Variants in ANO5 observed in about 807,000 individuals in gnomAD.
ANO5 encodes anoctamin 5.
ANO5 carries 109 observed loss-of-function variants against 121.0 expected under a neutral mutation model. The observed-to-expected ratio is 0.90, with a 90% confidence interval of 0.77 to 1.06. ANO5 has a LOEUF of 1.06. Among genes scored for constraint, ANO5 ranks in the 50% least tolerant of loss-of-function variants. The probability of loss-of-function intolerance (pLI) is 0.00; values close to 1 mark genes in which losing one functional copy is unlikely to be tolerated. For synonymous variants in ANO5, 406 were observed against 359.9 expected (o/e 1.13, Z -1.45); for missense variants, 1,064 against 1,078.5 (o/e 0.99, Z 0.19).
At chr11:22,245,255 G>C (rs997086695) in intron 9 of ANO5, among the ~76,000 whole-genome samples, 4 of 152,196 alleles carry the variant, frequency 2.6e-5, no homozygotes, top group African/African-American at 9.7e-5. Flanking sequence ...GCAGTGCTCT[G>C]TGGTGGGGTG....
chr11:22,249,459 T>A (rs1853726385), intron 9 of ANO5, among the ~76,000 whole-genome samples: 1 of 152,122 alleles, frequency 6.6e-6, no homozygotes, highest in Non-Finnish European at 1.5e-5. Context: ...GGGATCTATA[T>A]GAATAAGGAG....
chr11:22,193,492 G>A lies in ANO5; in HGVS notation c.-1G>A, dbSNP rs138260594. 60 of 1,612,800 alleles carry A rather than the reference G, an allele frequency of 3.7e-5. 1 individual carries two copies. In the African/African-American group the frequency reaches 4.3e-4, roughly 11 times the overall value. ...CCAGTGCCATTAACGAGCTGGCGAA[G>A]ATGGGCGACCCGGATCTCCTGGAAG... On this transcript the variant is annotated 5_prime_UTR_variant, in exon 1 of 22. Coordinates refer to ENST00000324559, the MANE Select transcript of ANO5 (RefSeq NM_213599.3).
intron 21 of ANO5, 61 bp from the exon 22 acceptor site, chr11:22,279,483 C>G (rs771617524): frequency 4.3e-6 from 6 of 1,400,464 alleles, no homozygotes; most frequent in Non-Finnish European, 6.1e-6. Flanking sequence ...TTTGTAAAGA[C>G]TTTCTGCTGA....
At chr11:22,211,336 C>G (rs1278098753) in intron 3 of ANO5, 22 bp downstream of exon 3, 3 of 1,609,130 alleles carry the variant, frequency 1.9e-6, no homozygotes, top group South Asian at 2.2e-5. Context: ...CCAGTACTAT[C>G]CTTTCTTGCA....
chr11:22,227,695 T>C, intron 7 of ANO5, 109 bp downstream of exon 7: 2 of 1,376,078 alleles, frequency 1.5e-6, no homozygotes, highest in Non-Finnish European at 2.0e-6. Flanking sequence ...TGCTTCTGTA[T>C]AGGATATAAG....
At chr11:22,272,640 A>G (rs1165575845) in intron 18 of ANO5, 144 bp from the exon 19 acceptor site, 1 of 752,454 alleles carries the variant, frequency 1.3e-6, no homozygotes, top group Admixed American at 2.2e-5. Flanking sequence ...GTGGTAGAGG[A>G]GGAACTGGAC....
intron 10 of ANO5, 110 bp downstream of exon 10, chr11:22,250,481 C>A (rs1853774029): frequency 4.9e-6 from 7 of 1,442,920 alleles, no homozygotes; most frequent in Middle Eastern, 3.7e-4. Flanking sequence ...CTTATAGCAG[C>A]AGATAATCGA....
chr11:22,230,520 A>G (rs547588485), intron 7 of ANO5, among the ~76,000 whole-genome samples: 8 of 152,128 alleles, frequency 5.3e-5, no homozygotes, highest in African/African-American at 1.7e-4. Context: ...TTTTTAAAAA[A>G]TTCTTTTATC....
chr11:22,208,475 G>A (rs975433150), intron 2 of ANO5, among the ~76,000 whole-genome samples: 1 of 151,978 alleles, frequency 6.6e-6, no homozygotes, highest in African/African-American at 2.4e-5. Flanking sequence ...TGAAATGACA[G>A]TATACAGATG....
chr11:22,254,909 A>T (rs559312605), intron 12 of ANO5, among the ~76,000 whole-genome samples: 1 of 152,172 alleles, frequency 6.6e-6, no homozygotes, highest in South Asian at 2.1e-4. Flanking sequence ...TATATATAGT[A>T]TATGTAGTTT....
intron 18 of ANO5, 130 bp from the exon 19 acceptor site, chr11:22,272,654 C>T (rs534994727): frequency 4.1e-4 from 348 of 846,804 alleles, no homozygotes; most frequent in African/African-American, 1.9e-3. Context: ...ACTGGACAGA[C>T]GGATGGAAGC....
rs2133812810 is a variant in ANO5 at position 22,279,944 on chromosome 11, T to C, written c.*179T>C. On this transcript the variant is annotated 3_prime_UTR_variant, in exon 22 of 22. Coordinates refer to ENST00000324559, the MANE Select transcript of ANO5 (RefSeq NM_213599.3). ...GAGGCCAACTTTGTGATGTTGGAAA[T>C]GTACTACTTCTCTGCTTCATTGACT... 1.6e-6 allele frequency: 1 copy of C among 606,368 alleles called. No individual in the cohort carries two copies. The highest frequency in any genetic ancestry group is 2.8e-5 in the East Asian group (1 of 35,490). The allele number at this position is 606,368 out of a possible 1,614,324, so 37.6% of individuals were successfully genotyped here. A position where few individuals can be genotyped will look rare whatever the true frequency, so the allele number is the denominator to read the frequency against.
intron 2 of ANO5, among the ~76,000 whole-genome samples, chr11:22,207,903 T>C (rs530848810): frequency 1.3e-5 from 2 of 152,166 alleles, no homozygotes; most frequent in Admixed American, 1.3e-4. Flanking sequence ...AGAGGAAATA[T>C]GATGGCAAAT....
intron 4 of ANO5, among the ~76,000 whole-genome samples, chr11:22,220,350 A>AT (rs1212298710): frequency 1.3e-5 from 2 of 152,042 alleles, no homozygotes; most frequent in Non-Finnish European, 2.9e-5. Flanking sequence ...TCAGTCAAAC[A>AT]TGAAATCTCT....
intron 17 of ANO5, among the ~76,000 whole-genome samples, chr11:22,269,553 GAAAA>G (rs913310543): frequency 7.4e-6 from 1 of 134,398 alleles, no homozygotes; most frequent in Non-Finnish European, 1.6e-5. Context: ...AGGAAGGAAA[GAAAA>G]AAAGAAAAGG....
At chr11:22,207,211 A>C (rs370569673) in intron 2 of ANO5, among the ~76,000 whole-genome samples, 1 of 152,146 alleles carries the variant, frequency 6.6e-6, no homozygotes, top group East Asian at 1.9e-4. Context: ...ATTTTATGGA[A>C]ATACAAAGGA....
intron 18 of ANO5, 45 bp downstream of exon 18, chr11:22,270,487 A>G: frequency 6.2e-7 from 1 of 1,611,574 alleles, no homozygotes; most frequent in Admixed American, 1.7e-5. Context: ...GGCATGAATG[A>G]GTGGTTTTTC....
chr11:22,278,238 C>G (rs1252693841), intron 21 of ANO5, among the ~76,000 whole-genome samples: 2 of 151,540 alleles, frequency 1.3e-5, no homozygotes, highest in African/African-American at 4.8e-5. Flanking sequence ...TGGTTCTTTG[C>G]TATTTGTCAA....
intron 21 of ANO5, 50 bp from the exon 22 acceptor site, chr11:22,279,494 G>C (rs565495025): frequency 1.2e-5 from 17 of 1,461,738 alleles, no homozygotes; most frequent in East Asian, 9.1e-5. Context: ...TTTCTGCTGA[G>C]CATGTGACAC....
Sources: gnomAD v4.1 joint callset for allele counts (sites outside exome capture counted in the v4.1 genomes callset) on GRCh38, gnomAD v4.1.1 for gene constraint, MANE v1.5 for transcripts, NCBI Gene and HGNC (gene_info 2026-07-23, HGNC 2026-07-21) for gene names.